The following SBNO2 variants were observed in gnomAD, a reference collection of about 807,000 sequenced individuals.
SBNO2 encodes the protein protein strawberry notch homolog 2.
SBNO2 carries 89 observed loss-of-function variants against 146.3 expected under a neutral mutation model. That is an observed-to-expected ratio of 0.61 (90% CI 0.51 to 0.73). SBNO2 has a LOEUF of 0.73. SBNO2 is among the 30% of genes least tolerant of loss of function. SBNO2 has a pLI of 0.00. For synonymous variants in SBNO2, 1,147 were observed against 892.6 expected (o/e 1.29, Z -5.08); for missense variants, 2,092 against 2,003.7 (o/e 1.04, Z -0.84).
Position 1,144,159 on chromosome 19 carries a change from C to T in SBNO2, c.279+3150G>A, listed in dbSNP as rs1414736339. 8.6e-5 allele frequency among the ~76,000 whole-genome samples: 13 copies of T among 151,574 alleles called. No individual in the cohort carries two copies. The South Asian group carries it at 1.7e-3, about 19-fold the overall frequency. ...ACCCGTCCCGTCCCACACTTGGCACCGCGGGACCACGCATCCCGTCCCACA... is the reference window on the plus strand; with the variant it reads ...ACCCGTCCCGTCCCACACTTGGCACTGCGGGACCACGCATCCCGTCCCACA... On this transcript the variant is annotated intron_variant, in intron 4 of 31. Coordinates refer to ENST00000361757, the MANE Select transcript of SBNO2 (RefSeq NM_014963.3). This position sits in a 1 kb window ranked among gnomAD's most constrained non-coding sequence, Gnocchi z 4.1.
intron 2 of SBNO2, among the ~76,000 whole-genome samples, chr19:1,151,013 C>T (rs1035151864): frequency 7.9e-5 from 12 of 152,260 alleles, no homozygotes; most frequent in African/African-American, 2.4e-4. Flanking sequence ...GAGAAGACCC[C>T]GTGCAAGTGG....
chr19:1,108,397 G>A lies in SBNO2; in HGVS notation c.3924C>T (p.Cys1308=), dbSNP rs1264060359. 1 of 1,282,274 alleles carries A rather than the reference G, an allele frequency of 7.8e-7. No homozygotes were observed. The highest frequency in any genetic ancestry group is 9.9e-7 in the Non-Finnish European group (1 of 1,008,892). The allele number at this position is 1,282,274 out of a possible 1,614,324, so 79.4% of individuals were successfully genotyped here. A position where few individuals can be genotyped will look rare whatever the true frequency, so the allele number is the denominator to read the frequency against. Residue 1308 remains cysteine (C), a synonymous_variant, in exon 32 of 32, where the codon TGC becomes TGT. Transcript: ENST00000361757. ...ADPAALAHQG[C]DINFKEVLED... ...CCAGCACCTCCTTGAAGTTGATGTC[G>A]CAGCCCTGGTGCGCGAGGGCCGCAG...
chr19:1,117,598 C>A (rs1054408925), intron 14 of SBNO2, 99 bp from the exon 15 acceptor site: 1 of 1,277,992 alleles, frequency 7.8e-7, no homozygotes, highest in Non-Finnish European at 1.1e-6. Flanking sequence ...GGCATCCCCA[C>A]GCCAGGTGGA....
chr19:1,161,911 G>GA (rs1174410919), intron 1 of SBNO2, among the ~76,000 whole-genome samples: 2 of 100,376 alleles, frequency 2.0e-5, no homozygotes, highest in East Asian at 3.3e-4. Flanking sequence ...AGCCGCGGGG[G>GA]GGGGGGGGGG....
chr19:1,146,326 C>G (rs2080189480), intron 4 of SBNO2, among the ~76,000 whole-genome samples: 1 of 152,248 alleles, frequency 6.6e-6, no homozygotes, highest in East Asian at 1.9e-4. Flanking sequence ...GAAAACTGGG[C>G]CCGGGGTCCA....
Position 1,117,467 on chromosome 19 carries a change from C to G in SBNO2, c.1560G>C (p.Ala520=), listed in dbSNP as rs756927087. 3.0e-5 allele frequency: 47 copies of G among 1,587,882 alleles called. No homozygotes were observed. Among genetic ancestry groups the G allele is most frequent in the Non-Finnish European group, 3.9e-5 (46 of 1,168,864 alleles). The change falls in exon 15 of 32, where the codon GCG becomes GCC. Residue 520 remains alanine, a synonymous_variant. Coordinates refer to ENST00000361757, the MANE Select transcript of SBNO2 (RefSeq NM_014963.3). ...WAEALNVFQQ[A]ADWIGLESRK... is the part of the protein sequence containing the mutation. ...GCGACTCCAGGCCGATCCAGTCGGC[C>G]GCCTGCTGGAACACGTTCAGGGCCT... is the stretch of plus-strand genomic sequence containing the variant.
chr19:1,143,215 C>T (rs1387714090), intron 4 of SBNO2, among the ~76,000 whole-genome samples: 4 of 151,738 alleles, frequency 2.6e-5, no homozygotes, highest in East Asian at 1.9e-4. Flanking sequence ...TGGTGGCTCA[C>T]GCCTGTAATC....
At chr19:1,121,581 G>C (rs2079901501) in intron 11 of SBNO2, among the ~76,000 whole-genome samples, 1 of 152,188 alleles carries the variant, frequency 6.6e-6, no homozygotes, top group African/African-American at 2.4e-5. Context: ...CTGGCCAAGG[G>C]GTGCCCTGCC....
At chr19:1,143,740 G>C (rs1200142490) in intron 4 of SBNO2, among the ~76,000 whole-genome samples, 2 of 152,036 alleles carry the variant, frequency 1.3e-5, no homozygotes, top group East Asian at 3.9e-4. Context: ...GGCCCTGTGA[G>C]GACACTGGGT....
chr19:1,112,484 G>A lies in SBNO2; in HGVS notation c.2433C>T (p.Asp811=), dbSNP rs1411123371. The change falls in exon 21 of 32, where the codon GAC becomes GAT. Residue 811 remains aspartate (D), a synonymous_variant. Transcript: ENST00000361757. The surrounding 1 kb of genome is among the most constrained non-coding windows in gnomAD (Gnocchi z 5.9). ...ASSSGVSLQA[D]RRVQNQRRRV... ...GGCGCCGCTGGTTCTGGACACGGCG[G>A]TCGGCTTGGAGGGAGACACCCGAGC... 2 of 1,607,036 alleles carry A rather than the reference G, an allele frequency of 1.2e-6. No homozygotes were observed. Among genetic ancestry groups the A allele is most frequent in the East Asian group, 2.2e-5 (1 of 44,790 alleles).
chr19:1,111,946 C>G (rs1282363721), intron 23 of SBNO2, 50 bp downstream of exon 23: 6 of 1,507,176 alleles, frequency 4.0e-6, no homozygotes, highest in Non-Finnish European at 3.6e-6. Context: ...CCGGCCCTCC[C>G]TAGACCCCTG....
chr19:1,109,356 T>C lies in SBNO2; in HGVS notation c.3284A>G (p.Lys1095Arg). 1 of 1,590,206 alleles carries C rather than the reference T, an allele frequency of 6.3e-7. No individual in the cohort carries two copies. The highest frequency in any genetic ancestry group is 1.1e-5 in the South Asian group (1 of 88,118). Residue 1095 changes from lysine to arginine, a missense_variant, in exon 29 of 32, where the codon AAG becomes AGG. Transcript: ENST00000361757. The surrounding 1 kb of genome is among the most constrained non-coding windows in gnomAD (Gnocchi z 4.2). ...QNRGQFFTVY[K>R]PNIGRQSQLE... is the part of the protein sequence containing the mutation. ...CTGGCTCTGCCGGCCGATGTTGGGC[T>C]TGTACACCGTGAAGAACTGGCCGCG...
rs554006726 is a variant in SBNO2 at position 1,122,902 on chromosome 19, C to A, written c.772G>T (p.Ala258Ser). 7 of 1,548,302 alleles carry A rather than the reference C, an allele frequency of 4.5e-6. No individual in the cohort carries two copies. The highest frequency in any genetic ancestry group is 4.1e-5 in the African/African-American group (3 of 73,158). ...TGGGGACATGCGGTCACCTGGCAGG[C>A]GTAGGTGATGGCCTCTAGCTGCAGG... The part of the protein sequence containing the change: ...SALQLEAITY[A>S]CQQHEVLLPS... Residue 258 changes from alanine to serine, a missense_variant, in exon 8 of 32, where the codon GCC (alanine) becomes TCC (serine). Ala to Ser is a moderately conservative substitution (Grantham distance 99). Transcript: ENST00000361757.
At chr19:1,152,875 G>A (rs552154081) in intron 2 of SBNO2, among the ~76,000 whole-genome samples, 8 of 152,284 alleles carry the variant, frequency 5.3e-5, no homozygotes, top group East Asian at 1.9e-4. Context: ...AGGCAGGGCC[G>A]GGCGCGGTGG....
chr19:1,167,311 G>T (rs910904542), intron 1 of SBNO2, among the ~76,000 whole-genome samples: 4 of 152,260 alleles, frequency 2.6e-5, no homozygotes, highest in African/African-American at 9.6e-5. Context: ...CGACACCCAC[G>T]CGCCCTCTCT....
In SBNO2 at chr19:1,108,094, G is replaced by GTTCA; in HGVS notation, c.*125_*126insTGAA. On this transcript the variant is annotated 3_prime_UTR_variant, in exon 32 of 32. Coordinates refer to ENST00000361757, the MANE Select transcript of SBNO2 (RefSeq NM_014963.3). ...GTGGGGGCCCGGGTCGGGCGCTGAAGGCACTGCGGCCAGGGCCTAGGGCTC... is the reference window on the plus strand; with the variant it reads ...GTGGGGGCCCGGGTCGGGCGCTGAAGTTCAGCACTGCGGCCAGGGCCTAGGGCTC... 9.0e-7 allele frequency: 1 copy of GTTCA among 1,105,864 alleles called. No individual in the cohort carries two copies. Among genetic ancestry groups the GTTCA allele is most frequent in the Non-Finnish European group, 1.2e-6 (1 of 841,150 alleles). 68.5% of individuals were successfully genotyped at this position (1,105,864 alleles called of 1,614,324 possible).
rs749370965 is a variant in SBNO2, at chr19:1,127,700, C to T, written c.345G>A (p.Ser115=). The change falls in exon 5 of 32, where the codon TCG becomes TCA. Residue 115 remains serine (S), a synonymous_variant. Coordinates refer to ENST00000361757, the MANE Select transcript of SBNO2 (RefSeq NM_014963.3). ...GGAAGTCGGGCGTGTCCACGATGTCCGACAGGGAGTCCACGGACGAGGAGA... is the reference window on the plus strand; with the variant it reads ...GGAAGTCGGGCGTGTCCACGATGTCTGACAGGGAGTCCACGGACGAGGAGA... ...SIFSSSVDSL[S]DIVDTPDFLP... 3.0e-5 allele frequency: 48 copies of T among 1,613,362 alleles called. No homozygotes were observed. Among genetic ancestry groups the T allele is most frequent in the Non-Finnish European group, 3.9e-5 (46 of 1,179,822 alleles).
chr19:1,147,235 T>G, intron 4 of SBNO2, 74 bp downstream of exon 4: 1 of 1,018,780 alleles, frequency 9.8e-7, no homozygotes, highest in African/African-American at 1.7e-5. Flanking sequence ...GCGAGAGAGG[T>G]CGCAGGGCAG....
rs778267107 is a variant in SBNO2 at position 1,108,843 on chromosome 19, G to T, written c.3552C>A (p.Asp1184Glu). 1.2e-6 allele frequency: 2 copies of T among 1,600,008 alleles called. No homozygotes were observed. Among genetic ancestry groups the T allele is most frequent in the Non-Finnish European group, 1.7e-6 (2 of 1,178,438 alleles). The change falls in exon 31 of 32, where the codon GAC (aspartate) becomes GAA (glutamate). Residue 1184 changes from aspartate to glutamate, a missense_variant. By Grantham distance (45) the Asp-to-Glu change is conservative. Coordinates refer to ENST00000361757, the MANE Select transcript of SBNO2 (RefSeq NM_014963.3). ...TCTGCAGGTAGCTGCTGCTGCTGAC[G>T]TCGGCCATGACGGCGGCGATGCGGC... The part of the protein sequence containing the change: ...VWGRIAAVMA[D>E]VSSSSYLQIV...
Sources: allele counts gnomAD v4.1 joint callset (sites outside exome capture counted in the v4.1 genomes callset), GRCh38; gene constraint gnomAD v4.1.1; non-coding constraint Gnocchi (gnomAD v3.1); transcripts MANE v1.5; gene names NCBI Gene and HGNC (gene_info 2026-07-23, HGNC 2026-07-21).